Variants in WWOX observed in about 807,000 individuals in gnomAD.
WWOX encodes WW domain-containing oxidoreductase.
Under a neutral mutation model 46.2 loss-of-function variants are expected in WWOX, and 69 were observed. The ratio of observed to expected loss-of-function variants is 1.49; its 90% CI spans 1.23 to 1.82. The LOEUF (loss-of-function observed/expected upper bound fraction) is 1.82. Ranked by LOEUF, WWOX falls within the 40% of genes most tolerant of loss-of-function variation. WWOX has a pLI of 0.00. For missense variants in WWOX, 919 were observed against 542.6 expected, an observed-to-expected ratio of 1.69 and a Z score of -6.89; for synonymous variants, 359 against 202.6, an observed-to-expected ratio of 1.77 and a Z score of -6.56.
chr16:79,207,691 T>C (rs906878795), intron 8 of WWOX, among the ~76,000 whole-genome samples: 2 of 152,214 alleles, frequency 1.3e-5, no homozygotes, highest in Non-Finnish European at 2.9e-5. Context: ...CATTTTAAAA[T>C]AGAAAAACCT....
At chr16:78,644,474 T>C (rs1428738602) in intron 8 of WWOX, among the ~76,000 whole-genome samples, 1 of 152,106 alleles carries the variant, frequency 6.6e-6, no homozygotes, top group African/African-American at 2.4e-5. Flanking sequence ...TTTTTTTTTC[T>C]TTTTGAGACA....
intron 5 of WWOX, among the ~76,000 whole-genome samples, chr16:78,357,628 C>T (rs533165521): frequency 8.7e-4 from 132 of 152,286 alleles, no homozygotes; most frequent in African/African-American, 3.1e-3. Context: ...TAATGTTCAA[C>T]ACAGCTTTGT....
At chr16:78,448,777 G>A (rs762436969) in intron 8 of WWOX, among the ~76,000 whole-genome samples, 9 of 152,116 alleles carry the variant, frequency 5.9e-5, no homozygotes, top group East Asian at 5.8e-4. Flanking sequence ...TGAACTTCCC[G>A]GAACCAGAGT....
At chr16:78,566,026 G>T (rs1487639074) in intron 8 of WWOX, among the ~76,000 whole-genome samples, 2 of 152,104 alleles carry the variant, frequency 1.3e-5, no homozygotes, top group African/African-American at 4.8e-5. Context: ...ATTCCTCACA[G>T]TCTAGAGGCT....
chr16:78,171,981 T>A (rs976999705), intron 5 of WWOX, among the ~76,000 whole-genome samples: 4 of 152,196 alleles, frequency 2.6e-5, no homozygotes, highest in African/African-American at 9.7e-5. Context: ...GTATTTATAT[T>A]ATGTGTGAAA....
chr16:79,053,889 T>TA (rs1361136163), intron 8 of WWOX, among the ~76,000 whole-genome samples: 1 of 152,140 alleles, frequency 6.6e-6, no homozygotes, highest in Non-Finnish European at 1.5e-5. Context: ...AACAGCTTTA[T>TA]AGTACCCCAG....
rs2033754558 is a variant in WWOX, at chr16:78,135,450, GTTATC to G, written c.409+20299_409+20303del. On this transcript the variant is annotated intron_variant, in intron 4 of 8. Transcript: ENST00000566780. The stretch of plus-strand genomic sequence containing the variant: ...GATTTTTAACTATACAGTTGCTGAA[GTTATC>G]TTCAATTCAAATCTTCTAAATTCAA... Among the ~76,000 whole-genome samples, 2 of 152,268 alleles carry G rather than the reference GTTATC, an allele frequency of 1.3e-5. 1 individual carries two copies. Among genetic ancestry groups the G allele is most frequent in the Admixed American group, 1.3e-4 (2 of 15,286 alleles).
At chr16:79,109,548 G>A (rs1316672204) in intron 8 of WWOX, among the ~76,000 whole-genome samples, 1 of 152,150 alleles carries the variant, frequency 6.6e-6, no homozygotes, top group African/African-American at 2.4e-5. Flanking sequence ...TTAATATGCA[G>A]TTGCTATTCA....
chr16:78,859,048 A>ATATATG (rs1241197814), intron 8 of WWOX, among the ~76,000 whole-genome samples: 3 of 24,916 alleles, frequency 1.2e-4, no homozygotes, highest in Non-Finnish European at 2.0e-4. Flanking sequence ...ATATATATAT[A>ATATATG]TGTATATATA....
intron 8 of WWOX, among the ~76,000 whole-genome samples, chr16:78,537,445 A>C (rs2667631): frequency 0.57 from 86,131 of 152,104 alleles, 27,176 homozygotes; most frequent in Admixed American, 0.7. Context: ...GAGCCCATTA[A>C]TGTGATACCT....
chr16:78,859,525 C>T (rs1339414756), intron 8 of WWOX, among the ~76,000 whole-genome samples: 1 of 152,122 alleles, frequency 6.6e-6, no homozygotes, highest in Non-Finnish European at 1.5e-5. Flanking sequence ...AGCACCCATT[C>T]CAGAGGGCAT....
chr16:78,986,331 A>T (rs960307012), intron 8 of WWOX, among the ~76,000 whole-genome samples: 19 of 152,200 alleles, frequency 1.2e-4, no homozygotes, highest in Non-Finnish European at 2.1e-4. Context: ...AGAGGATACC[A>T]GTCTGACTCA....
intron 8 of WWOX, among the ~76,000 whole-genome samples, chr16:78,955,470 G>A (rs983663302): frequency 6.6e-6 from 1 of 152,160 alleles, no homozygotes. Flanking sequence ...TGGAGCATGT[G>A]AGGGTGGATC....
At chr16:78,616,764 A>G (rs2046035411) in intron 8 of WWOX, among the ~76,000 whole-genome samples, 1 of 151,928 alleles carries the variant, frequency 6.6e-6, no homozygotes, top group African/African-American at 2.4e-5. Context: ...AGGAGACTCC[A>G]TCAACACTAA....
At chr16:79,062,205 A>C (rs2048368629) in intron 8 of WWOX, among the ~76,000 whole-genome samples, 1 of 152,202 alleles carries the variant, frequency 6.6e-6, no homozygotes, top group Non-Finnish European at 1.5e-5. Flanking sequence ...GAAAGCGAGG[A>C]AGAAGCGTAA....
chr16:78,885,362 C>T (rs571710280), intron 8 of WWOX, among the ~76,000 whole-genome samples: 54 of 152,184 alleles, frequency 3.5e-4, no homozygotes, highest in African/African-American at 1.3e-3. Context: ...CAGCTCAGTA[C>T]AAGAACACTT....
intron 8 of WWOX, among the ~76,000 whole-genome samples, chr16:78,599,370 A>G (rs994137787): frequency 1.3e-5 from 2 of 152,198 alleles, no homozygotes; most frequent in Non-Finnish European, 2.9e-5. Flanking sequence ...TGCAAAGTGC[A>G]TTAAATGGGA....
intron 8 of WWOX, among the ~76,000 whole-genome samples, chr16:78,486,154 G>C (rs2084630857): frequency 6.6e-6 from 1 of 152,106 alleles, no homozygotes; most frequent in East Asian, 1.9e-4. Context: ...GGGAACTAGG[G>C]GAAACAAACC....
intron 8 of WWOX, chr16:78,899,623 T>A (rs1177238732): frequency 6.6e-6 from 1 of 152,214 alleles, no homozygotes; most frequent in East Asian, 1.9e-4. Context: ...ATTGTCAATT[T>A]TAAATAAAAG....
Sources: allele counts gnomAD v4.1 joint callset (sites outside exome capture counted in the v4.1 genomes callset), GRCh38; gene constraint gnomAD v4.1.1; transcripts MANE v1.5; gene names NCBI Gene and HGNC (gene_info 2026-07-23, HGNC 2026-07-21).